Variants in RHOBTB3 observed in about 807,000 individuals in gnomAD.
RHOBTB3 encodes rho-related BTB domain-containing protein 3.
RHOBTB3 carries 47 observed loss-of-function variants against 67.2 expected under a neutral mutation model. The ratio of observed to expected loss-of-function variants is 0.70; its 90% CI spans 0.55 to 0.89. The LOEUF (loss-of-function observed/expected upper bound fraction) is 0.89. Among genes scored for constraint, RHOBTB3 ranks in the 40% least tolerant of loss-of-function variants. The probability of loss-of-function intolerance (pLI) is 0.00; values close to 1 mark genes in which losing one functional copy is unlikely to be tolerated. For synonymous variants in RHOBTB3, 273 were observed against 274.2 expected (o/e 1.00, Z 0.04); for missense variants, 631 against 750.0 (o/e 0.84, Z 1.85).
intron 11 of RHOBTB3, 200 bp downstream of exon 11, chr5:95,789,058 A>T (rs1007458706): frequency 4.5e-4 from 206 of 460,440 alleles, no homozygotes; most frequent in Non-Finnish European, 6.2e-4. Context: ...TGTGTTACAC[A>T]AGAAGTTTTC....
intron 4 of RHOBTB3, among the ~76,000 whole-genome samples, chr5:95,749,851 C>T (rs1382037740): frequency 1.3e-5 from 2 of 152,166 alleles, no homozygotes; most frequent in East Asian, 3.8e-4. Flanking sequence ...CTGAAATTCC[C>T]AGGATCATTC....
chr5:95,780,572 GAAC>G, intron 9 of RHOBTB3, 147 bp downstream of exon 9: 1 of 717,640 alleles, frequency 1.4e-6, no homozygotes, highest in Non-Finnish European at 2.3e-6. Flanking sequence ...GGTGGTGCTG[GAAC>G]AACAATGAAT....
In RHOBTB3 at chr5:95,731,442, G is replaced by C. The variant is rs953460882; in HGVS notation, c.-241G>C. ...CGGTCCCGCGCCCGGCGATGTTCCCGGGCACTCCCTGAGTAGCGGCAGCTT... is the reference window on the plus strand; with the variant it reads ...CGGTCCCGCGCCCGGCGATGTTCCCCGGCACTCCCTGAGTAGCGGCAGCTT... On this transcript the variant is annotated 5_prime_UTR_variant, in exon 1 of 12. Coordinates refer to ENST00000379982, the MANE Select transcript of RHOBTB3 (RefSeq NM_014899.4). 6 of 1,204,208 alleles carry C rather than the reference G, an allele frequency of 5.0e-6. No homozygotes were observed. The South Asian group carries it at 2.0e-4, about 40-fold the overall frequency. The allele number at this position is 1,204,208 out of a possible 1,614,324, so 74.6% of individuals were successfully genotyped here.
At chr5:95,782,974 A>C (rs1746103360) in intron 9 of RHOBTB3, among the ~76,000 whole-genome samples, 1 of 151,888 alleles carries the variant, frequency 6.6e-6, no homozygotes, top group African/African-American at 2.4e-5. Context: ...GATTTACCAG[A>C]TAGTCCTGGA....
intron 9 of RHOBTB3, 70 bp from the exon 10 acceptor site, chr5:95,783,727 T>G: frequency 7.6e-7 from 1 of 1,309,146 alleles, no homozygotes; most frequent in East Asian, 2.4e-5. Flanking sequence ...TTTTTGTTGG[T>G]GGGGGGTGTT....
At chr5:95,755,333 T>G (rs112345542) in intron 5 of RHOBTB3, 63 bp from the exon 6 acceptor site, 66 of 1,176,054 alleles carry the variant, frequency 5.6e-5, no homozygotes, top group Non-Finnish European at 6.8e-5. Flanking sequence ...AAAGTAAACA[T>G]GAAATTGTTG....
chr5:95,748,300 C>A (rs201610106), intron 3 of RHOBTB3, 33 bp from the exon 4 acceptor site: 4 of 1,537,468 alleles, frequency 2.6e-6, no homozygotes, highest in South Asian at 1.2e-5. Flanking sequence ...TGTTTAATTT[C>A]GAAACTCTTT....
At position 95,731,910 on chromosome 5, in the gene RHOBTB3, C is replaced by T; in HGVS notation, c.54C>T (p.Asp18=). ...ACGAGGGGGACACATTCCACCAGGA[C>T]AACCGGCCGTCGGGGCTTATCCGCA... ...LGNEGDTFHQ[D]NRPSGLIRTY... is the part of the protein sequence containing the mutation. Residue 18 remains aspartate (D), a synonymous_variant, in exon 2 of 12, where the codon GAC becomes GAT. Transcript: ENST00000379982. The T allele has an allele frequency of 6.2e-7, 1 of 1,614,104 alleles. No homozygotes were observed. The highest frequency in any genetic ancestry group is 8.5e-7 in the Non-Finnish European group (1 of 1,180,018).
chr5:95,749,796 T>A (rs1745036918), intron 4 of RHOBTB3, among the ~76,000 whole-genome samples: 1 of 152,214 alleles, frequency 6.6e-6, no homozygotes, highest in African/African-American at 2.4e-5. Context: ...GGCCGTTCCC[T>A]TGGAAGCCAC....
At chr5:95,719,939 C>T (rs961676325) in intron 1 of RHOBTB3, among the ~76,000 whole-genome samples, 3 of 152,150 alleles carry the variant, frequency 2.0e-5, no homozygotes, top group Admixed American at 1.3e-4. Context: ...GACCTGTACT[C>T]CAGGTGCTTA....
intron 2 of RHOBTB3, among the ~76,000 whole-genome samples, chr5:95,736,593 G>A (rs192745686): frequency 5.3e-5 from 8 of 152,262 alleles, no homozygotes; most frequent in Admixed American, 4.6e-4. Context: ...AAAATATAGT[G>A]TAATTTTAAA....
At chr5:95,722,777 C>T (rs1754928307) in intron 1 of RHOBTB3, among the ~76,000 whole-genome samples, 1 of 152,174 alleles carries the variant, frequency 6.6e-6, no homozygotes, top group African/African-American at 2.4e-5. Context: ...GCCACTGCGC[C>T]CAGCCTAAAA....
intron 8 of RHOBTB3, chr5:95,769,311 A>T (rs572797859): frequency 4.0e-5 from 19 of 473,102 alleles, no homozygotes; most frequent in African/African-American, 3.2e-4. Context: ...TGTTGCCAGT[A>T]ACACAAATGA....
chr5:95,733,401 G>T (rs201678030), intron 2 of RHOBTB3, among the ~76,000 whole-genome samples: 1 of 152,190 alleles, frequency 6.6e-6, no homozygotes, highest in Admixed American at 6.5e-5. Context: ...AATGTTTAGC[G>T]AATCGAGTAA....
In RHOBTB3 at chr5:95,794,195, A is replaced by G. The variant is rs544137495; in HGVS notation, c.*1021A>G. On this transcript the variant is annotated 3_prime_UTR_variant, in exon 12 of 12. Transcript: ENST00000379982. ...TTAAAACAGTCACAGTTCTTGCTCTATCATAGATGAACAAATACTTTCTTG... is the reference window on the plus strand; with the variant it reads ...TTAAAACAGTCACAGTTCTTGCTCTGTCATAGATGAACAAATACTTTCTTG... 47 of 339,336 alleles carry G rather than the reference A, an allele frequency of 1.4e-4. No homozygotes were observed. The highest frequency in any genetic ancestry group is 2.6e-4 in the African/African-American group (12 of 46,612). 21.0% of individuals were successfully genotyped at this position (339,336 alleles called of 1,614,324 possible).
chr5:95,745,810 T>C (rs910945757), intron 3 of RHOBTB3, among the ~76,000 whole-genome samples: 1 of 152,126 alleles, frequency 6.6e-6, no homozygotes, highest in African/African-American at 2.4e-5. Context: ...GATTAAATGG[T>C]TAATGTAAAT....
rs34389233 is a variant in RHOBTB3, at chr5:95,795,102, C to CA, written c.*1944dup. 0.54 allele frequency: 65,901 copies of CA among 122,194 alleles called. 16,612 individuals are homozygous for CA. The highest frequency in any genetic ancestry group is 0.66 in the African/African-American group (22,008 of 33,438). The allele number at this position is 122,194 out of a possible 1,614,324, so 7.6% of individuals were successfully genotyped here. A position where few individuals can be genotyped will look rare whatever the true frequency, so the allele number is the denominator to read the frequency against. On this transcript the variant is annotated 3_prime_UTR_variant, in exon 12 of 12. Transcript: ENST00000379982. ...GGGTGACAAGAGCGAAACTCCATCT[C>CA]AAAAAAAAAAAAAAAACCAAAGTGA...
intron 8 of RHOBTB3, among the ~76,000 whole-genome samples, chr5:95,772,167 AC>A (rs1424156843): frequency 6.6e-6 from 1 of 152,204 alleles, no homozygotes; most frequent in Non-Finnish European, 1.5e-5. Context: ...GACCATTATA[AC>A]AACCTAGGGC....
intron 8 of RHOBTB3, among the ~76,000 whole-genome samples, chr5:95,768,546 A>C (rs796860736): frequency 6.6e-6 from 1 of 152,122 alleles, no homozygotes; most frequent in South Asian, 2.1e-4. Context: ...TATTTTATCC[A>C]GCTCTCTTCC....
Sources: allele counts gnomAD v4.1 joint callset (sites outside exome capture counted in the v4.1 genomes callset), GRCh38; gene constraint gnomAD v4.1.1; transcripts MANE v1.5; gene names NCBI Gene and HGNC (gene_info 2026-07-23, HGNC 2026-07-21).